The following HPF1 variants were observed in gnomAD, a reference collection of about 807,000 sequenced individuals.
HPF1 encodes UPF0609 protein C4orf27.
HPF1 carries 35 observed loss-of-function variants against 38.8 expected under a neutral mutation model. The ratio of observed to expected loss-of-function variants is 0.90; its 90% CI spans 0.69 to 1.19. The LOEUF (loss-of-function observed/expected upper bound fraction) is 1.19. Ranked by LOEUF, HPF1 falls within the 50% of genes most tolerant of loss-of-function variation. The pLI is 0.00. For synonymous variants in HPF1, 115 were observed against 139.2 expected (o/e 0.83, Z 1.22); for missense variants, 367 against 405.8 (o/e 0.90, Z 0.82).
At chr4:169,736,358 A>AC (rs1733892738) in intron 6 of HPF1, among the ~76,000 whole-genome samples, 2 of 76,084 alleles carry the variant, frequency 2.6e-5, no homozygotes, top group East Asian at 4.5e-4. Flanking sequence ...AGACCCTGTC[A>AC]CAAAAAAAAA....
At chr4:169,753,023 G>A (rs1734138597) in intron 2 of HPF1, among the ~76,000 whole-genome samples, 1 of 120,314 alleles carries the variant, frequency 8.3e-6, no homozygotes, top group Non-Finnish European at 1.7e-5. Flanking sequence ...TATATCCTTG[G>A]TTAGGTTTTT....
chr4:169,737,804 ATCCC>A, intron 5 of HPF1, 57 bp from the exon 6 acceptor site: 4 of 1,061,490 alleles, frequency 3.8e-6, no homozygotes, highest in Non-Finnish European at 5.8e-6. Flanking sequence ...AAAAAAAAAA[ATCCC>A]CAAATACATA....
chr4:169,737,618 T>C, intron 6 of HPF1, 42 bp downstream of exon 6: 1 of 1,209,892 alleles, frequency 8.3e-7, no homozygotes, highest in African/African-American at 1.5e-5. Context: ...TTTATTCATG[T>C]GCATTAACAT....
chr4:169,733,841 G>A (rs1733860457), intron 6 of HPF1, among the ~76,000 whole-genome samples: 1 of 150,274 alleles, frequency 6.7e-6, no homozygotes. Context: ...GCTGCAGTGA[G>A]CCGTGGTCAT....
chr4:169,742,167 T>A, intron 4 of HPF1, 60 bp from the exon 5 acceptor site: 1 of 1,474,950 alleles, frequency 6.8e-7, no homozygotes, highest in Non-Finnish European at 9.2e-7. Flanking sequence ...TACAAAGACC[T>A]TTCAAAGTTG....
chr4:169,752,760 A>G (rs1055765168), intron 2 of HPF1, among the ~76,000 whole-genome samples: 2 of 152,126 alleles, frequency 1.3e-5, no homozygotes, highest in Non-Finnish European at 2.9e-5. Flanking sequence ...TTTTTTCTTT[A>G]AGTAAATATC....
Position 169,757,850 on chromosome 4 carries a change from GC to G in HPF1, c.27del (p.Arg9SerfsTer15). 6.4e-7 allele frequency: 1 copy of G among 1,564,592 alleles called. No individual in the cohort carries two copies. The highest frequency in any genetic ancestry group is 8.6e-7 in the Non-Finnish European group (1 of 1,162,472). On this transcript the variant is annotated frameshift_variant, in exon 1 of 8. Coordinates refer to ENST00000393381, the MANE Select transcript of HPF1 (RefSeq NM_017867.3). LOFTEE classifies it high-confidence loss of function. ...AGTACCTGCGGCCCCTCTCCGCCGG[GC>G]CTGCGCTTCCCGCCACCGCCGACCA... MVGGGGKR[R>X]PGGEGPQCEK...
At position 169,736,293 on chromosome 4, in the gene HPF1, G is replaced by A. The variant is rs866476713; in HGVS notation, c.736+1367C>T. On this transcript the variant is annotated intron_variant, in intron 6 of 7. Transcript: ENST00000393381. ...TGCACACCTGTAGTCCCAGCTACTC[G>A]GGAGGCCGAGACAGGTTAATTGCAC... 5.3e-5 allele frequency among the ~76,000 whole-genome samples: 8 copies of A among 151,286 alleles called. No homozygotes were observed. The South Asian group carries it at 6.3e-4, about 12-fold the overall frequency.
chr4:169,755,064 CCG>C (rs1491440877), intron 1 of HPF1, among the ~76,000 whole-genome samples: 1,941 of 113,628 alleles, frequency 0.017, 86 homozygotes, highest in African/African-American at 0.1. Flanking sequence ...ATCCCTCCCC[CCG>C]CCCCCTCATA....
chr4:169,746,540 T>A (rs1476984763), intron 4 of HPF1, among the ~76,000 whole-genome samples: 1 of 152,134 alleles, frequency 6.6e-6, no homozygotes, highest in Non-Finnish European at 1.5e-5. Context: ...AAAAAATCTT[T>A]GCTGGTTAAA....
chr4:169,747,743 G>A (rs1734067605), intron 4 of HPF1, among the ~76,000 whole-genome samples: 1 of 152,062 alleles, frequency 6.6e-6, no homozygotes, highest in Admixed American at 6.6e-5. Context: ...CTTCTTCCAA[G>A]CAGCTGCAAT....
At chr4:169,743,101 A>G (rs1332354893) in intron 4 of HPF1, among the ~76,000 whole-genome samples, 1 of 151,754 alleles carries the variant, frequency 6.6e-6, no homozygotes, top group South Asian at 2.1e-4. Flanking sequence ...CCTCAAAAAA[A>G]AAAACAAAAA....
chr4:169,753,325 T>G (rs376720065), intron 2 of HPF1, among the ~76,000 whole-genome samples: 119 of 152,120 alleles, frequency 7.8e-4, no homozygotes, highest in African/African-American at 2.6e-3. Context: ...TAAGCCACCA[T>G]GCCTGGCCAA....
chr4:169,733,811 A>AC (rs1300474601), intron 6 of HPF1, among the ~76,000 whole-genome samples: 2 of 150,742 alleles, frequency 1.3e-5, no homozygotes, highest in African/African-American at 4.9e-5. Context: ...TGGGAGGATC[A>AC]CCCAGTGCAG....
intron 4 of HPF1, among the ~76,000 whole-genome samples, chr4:169,742,777 G>A (rs1396887762): frequency 6.6e-6 from 1 of 151,700 alleles, no homozygotes; most frequent in Non-Finnish European, 1.5e-5. Context: ...GGGCCACAGA[G>A]CAAGACTCCG....
chr4:169,739,386 A>T (rs932118741), intron 5 of HPF1, among the ~76,000 whole-genome samples: 1 of 152,144 alleles, frequency 6.6e-6, no homozygotes, highest in Non-Finnish European at 1.5e-5. Flanking sequence ...AAAAAGACTA[A>T]TTCTAACCCT....
At chr4:169,746,997 A>AC (rs1252902744) in intron 4 of HPF1, among the ~76,000 whole-genome samples, 7 of 150,936 alleles carry the variant, frequency 4.6e-5, no homozygotes, top group Admixed American at 4.6e-4. Context: ...TTTTTTAAAA[A>AC]AAAAAAAAAA....
At chr4:169,756,656 G>A (rs1350105111) in intron 1 of HPF1, among the ~76,000 whole-genome samples, 1 of 152,174 alleles carries the variant, frequency 6.6e-6, no homozygotes, top group Admixed American at 6.5e-5. Context: ...GTTATTATAT[G>A]TAAAAATACA....
At chr4:169,732,719 T>C (rs1310431469) in intron 6 of HPF1, among the ~76,000 whole-genome samples, 7 of 152,240 alleles carry the variant, frequency 4.6e-5, no homozygotes, top group Non-Finnish European at 8.8e-5. Flanking sequence ...TAGTTGCCTC[T>C]GTATCTGAGG....
Sources: allele counts gnomAD v4.1 joint callset (sites outside exome capture counted in the v4.1 genomes callset), GRCh38; gene constraint gnomAD v4.1.1; transcripts MANE v1.5; gene names NCBI Gene and HGNC (gene_info 2026-07-23, HGNC 2026-07-21).